The following SIN3A variants were observed in gnomAD, a reference collection of about 807,000 sequenced individuals.
SIN3A encodes SIN3 transcription regulator family member A.
In SIN3A, 14 loss-of-function variants were observed where a neutral mutation model predicts 146.1. The ratio of observed to expected loss-of-function variants is 0.10; its 90% CI spans 0.06 to 0.15. SIN3A has a LOEUF of 0.15. SIN3A is among the 10% of genes least tolerant of loss of function. The pLI is 1.00. For synonymous variants in SIN3A, 572 were observed against 572.0 expected (o/e 1.00, Z 0.00); for missense variants, 1,028 against 1,576.0 (o/e 0.65, Z 5.89).
chr15:75,399,077 C>CT (rs962505703), intron 12 of SIN3A, among the ~76,000 whole-genome samples: 62 of 151,664 alleles, frequency 4.1e-4, no homozygotes, highest in Admixed American at 9.9e-4. Context: ...TAGCACATGC[C>CT]TGTAGTCCCA....
chr15:75,386,496 T>C lies in SIN3A; in HGVS notation c.3022-2059A>G, dbSNP rs532720228. ...CAGATCAGATTCTCTATCTTGCTAA[T>C]TGGAGATGACAGAGAGGGTGTTCAA... On this transcript the variant is annotated intron_variant, in intron 16 of 20. Coordinates refer to ENST00000394947, the MANE Select transcript of SIN3A (RefSeq NM_001145358.2). Among the ~76,000 whole-genome samples, 28 of 152,270 alleles carry C rather than the reference T, an allele frequency of 1.8e-4. No homozygotes were observed. In the South Asian group the frequency reaches 3.1e-3, roughly 17 times the overall value.
chr15:75,411,628 C>A lies in SIN3A; in HGVS notation c.872G>T (p.Gly291Val). ...ATTGTTCTGCAAGGATGGGGCCGTTCCCAACGAGATTGTCACTGGTGTGTG... is the reference window on the plus strand; with the variant it reads ...ATTGTTCTGCAAGGATGGGGCCGTTACCAACGAGATTGTCACTGGTGTGTG... ...QPHTPVTISL[G>V]TAPSLQNNQP... The change falls in exon 6 of 21, where the codon GGA (glycine) becomes GTA (valine). Residue 291 changes from glycine to valine, a missense_variant. This residue lies in a region of SIN3A where 112 missense variants were observed against 135.7 expected (regional missense o/e 0.83). Coordinates refer to ENST00000394947, the MANE Select transcript of SIN3A (RefSeq NM_001145358.2). 6.2e-7 allele frequency: 1 copy of A among 1,614,132 alleles called. No individual in the cohort carries two copies. Among genetic ancestry groups the A allele is most frequent in the Admixed American group, 1.7e-5 (1 of 59,996 alleles).
At chr15:75,413,911 A>C (rs902956331) in intron 4 of SIN3A, among the ~76,000 whole-genome samples, 2 of 152,216 alleles carry the variant, frequency 1.3e-5, no homozygotes, top group Non-Finnish European at 2.9e-5. Flanking sequence ...CCAGAATATA[A>C]GGGTATCTAA....
intron 18 of SIN3A, 109 bp downstream of exon 18, chr15:75,381,504 A>G (rs1329618954): frequency 2.6e-6 from 2 of 773,800 alleles, no homozygotes; most frequent in Non-Finnish European, 4.4e-6. Flanking sequence ...CCTGACCCTT[A>G]AACAGGCCTG....
chr15:75,421,212 A>G (rs1275521853), intron 3 of SIN3A: 1 of 152,236 alleles, frequency 6.6e-6, no homozygotes, highest in African/African-American at 2.4e-5. Context: ...TTTAAAAAAA[A>G]TATTTTCAGG....
At chr15:75,399,904 TACC>T in intron 12 of SIN3A, 133 bp downstream of exon 12, 1 of 645,644 alleles carries the variant, frequency 1.5e-6, no homozygotes, top group Non-Finnish European at 2.8e-6. Flanking sequence ...GCATGGAAAG[TACC>T]ACAACAAGCA....
intron 14 of SIN3A, among the ~76,000 whole-genome samples, chr15:75,394,454 AC>A (rs2073266323): frequency 6.6e-6 from 1 of 152,206 alleles, no homozygotes; most frequent in African/African-American, 2.4e-5. Context: ...ATAAGTTGAA[AC>A]CAGGACAGTA....
At chr15:75,446,298 C>T (rs1308721303) in intron 1 of SIN3A, 2 of 150,338 alleles carry the variant, frequency 1.3e-5, no homozygotes, top group African/African-American at 4.9e-5. Flanking sequence ...TGGAGGAAGC[C>T]TTCTAGGCAG....
chr15:75,381,250 A>T (rs760699786), intron 18 of SIN3A, among the ~76,000 whole-genome samples: 11 of 152,208 alleles, frequency 7.2e-5, no homozygotes, highest in Non-Finnish European at 1.5e-4. Context: ...TCAGGGGTTG[A>T]AAACTCTGGA....
chr15:75,439,185 G>A (rs1286560556), intron 1 of SIN3A, among the ~76,000 whole-genome samples: 1 of 152,112 alleles, frequency 6.6e-6, no homozygotes, highest in Non-Finnish European at 1.5e-5. Flanking sequence ...CGGGAAGATG[G>A]AATGCTACTG....
chr15:75,442,120 CAAAAAAAAA>C (rs57418865), intron 1 of SIN3A, among the ~76,000 whole-genome samples: 12 of 29,284 alleles, frequency 4.1e-4, no homozygotes, highest in Non-Finnish European at 4.8e-4. Flanking sequence ...GACTCTGTCT[CAAAAAAAAA>C]AAAAAAAAAA....
chr15:75,378,887 G>GATATATATAT (rs61263220), intron 19 of SIN3A, among the ~76,000 whole-genome samples: 6 of 144,976 alleles, frequency 4.1e-5, no homozygotes, highest in Admixed American at 1.4e-4. Context: ...ATATAATAGG[G>GATATATATAT]ATATATATAT....
chr15:75,422,706 C>T lies in SIN3A; in HGVS notation c.307G>A (p.Ala103Thr), dbSNP rs1175637599. ...PHGGQVVQSHAHPAPPVAPVQ... is the reference protein window; with the variant it reads ...PHGGQVVQSHTHPAPPVAPVQ... The stretch of plus-strand genomic sequence containing the variant: ...GGTGCAACTGGTGGGGCTGGATGAG[C>T]ATGACTCTGGACCACCTGGCCTCCG... The change falls in exon 3 of 21, where the codon GCT becomes ACT. Residue 103 changes from alanine (A) to threonine (T), a missense_variant. Coordinates refer to ENST00000394947, the MANE Select transcript of SIN3A (RefSeq NM_001145358.2). The T allele has an allele frequency of 1.9e-6, 3 of 1,614,088 alleles. No homozygotes were observed. The highest frequency in any genetic ancestry group is 2.5e-6 in the Non-Finnish European group (3 of 1,180,050).
chr15:75,418,568 C>T (rs2073783819), intron 3 of SIN3A, among the ~76,000 whole-genome samples: 1 of 152,188 alleles, frequency 6.6e-6, no homozygotes, highest in Non-Finnish European at 1.5e-5. Flanking sequence ...GATCTGCCCT[C>T]CTCAGCCTCC....
At chr15:75,402,701 C>T (rs1254648134) in intron 9 of SIN3A, among the ~76,000 whole-genome samples, 3 of 152,156 alleles carry the variant, frequency 2.0e-5, no homozygotes, top group Non-Finnish European at 4.4e-5. Context: ...GTGGTGCGAT[C>T]TCAGCTCACT....
intron 18 of SIN3A, 137 bp downstream of exon 18, chr15:75,381,476 T>C (rs1299929052): frequency 6.1e-6 from 4 of 656,136 alleles, no homozygotes; most frequent in Non-Finnish European, 1.1e-5. Context: ...GATTGACTTG[T>C]ACTTTAAGCA....
At position 75,413,032 on chromosome 15, in the gene SIN3A, C is replaced by T; in HGVS notation, c.487G>A (p.Gly163Arg). Residue 163 changes from glycine (G) to arginine (R), a missense_variant, in exon 5 of 21, where the codon GGA becomes AGA. Physicochemically the swap from Gly to Arg is moderately radical, Grantham distance 125. Transcript: ENST00000394947. ...EFKSQSIDTPGVISRVSQLFK... is the reference protein window; with the variant it reads ...EFKSQSIDTPRVISRVSQLFK... ...AGCTGGGACACACGACTAATCACTC[C>T]TGGGGTGTCGATGCTGATAAAAAAC... 6.2e-7 allele frequency: 1 copy of T among 1,603,578 alleles called. No individual in the cohort carries two copies. Among genetic ancestry groups the T allele is most frequent in the Non-Finnish European group, 8.5e-7 (1 of 1,176,614 alleles).
chr15:75,449,420 C>G (rs1270425651), intron 1 of SIN3A, among the ~76,000 whole-genome samples: 1 of 152,166 alleles, frequency 6.6e-6, no homozygotes, highest in African/African-American at 2.4e-5. Flanking sequence ...AACATTGGTT[C>G]CATGTTTATT....
At chr15:75,385,761 G>C (rs367645832) in intron 16 of SIN3A, among the ~76,000 whole-genome samples, 1 of 152,194 alleles carries the variant, frequency 6.6e-6, no homozygotes, top group South Asian at 2.1e-4. Flanking sequence ...ACCAGTATGT[G>C]TATTAGTAGA....
Sources: allele counts gnomAD v4.1 joint callset (sites outside exome capture counted in the v4.1 genomes callset), GRCh38; gene constraint gnomAD v4.1.1; regional missense constraint gnomAD v4.1.1; transcripts MANE v1.5; gene names NCBI Gene and HGNC (gene_info 2026-07-23, HGNC 2026-07-21).